The following PPP2R3A variants were observed in gnomAD, a reference collection of about 807,000 sequenced individuals.
PPP2R3A encodes the protein protein phosphatase 2 regulatory subunit B''alpha.
A neutral mutation model predicts 106.9 loss-of-function variants in PPP2R3A; 80 were observed. That is an observed-to-expected ratio of 0.75 (90% CI 0.62 to 0.90). PPP2R3A has a LOEUF of 0.90. Ranked by LOEUF, PPP2R3A falls within the 40% of genes least tolerant of loss-of-function variation. The pLI is 0.00. For synonymous variants in PPP2R3A, 483 were observed against 468.3 expected (o/e 1.03, Z -0.41); for missense variants, 1,386 against 1,350.4 (o/e 1.03, Z -0.41).
intron 1 of PPP2R3A, among the ~76,000 whole-genome samples, chr3:135,984,135 CCT>C (rs1937574867): frequency 6.7e-6 from 1 of 148,880 alleles, no homozygotes; most frequent in African/African-American, 2.6e-5. Context: ...CCTTTCCCTT[CCT>C]TCTCTTTCCT....
chr3:136,002,420 A>G lies in PPP2R3A; in HGVS notation c.922A>G (p.Thr308Ala), dbSNP rs766607618. 5 of 1,614,006 alleles carry G rather than the reference A, an allele frequency of 3.1e-6. No homozygotes were observed. The highest frequency in any genetic ancestry group is 1.6e-4 in the Middle Eastern group (1 of 6,062). Residue 308 changes from threonine to alanine, a missense_variant, in exon 2 of 14, where the codon ACA (threonine) becomes GCA (alanine). Coordinates refer to ENST00000264977, the MANE Select transcript of PPP2R3A (RefSeq NM_002718.5). ...TGGGAATAATGAGGCTCTAGATTTA[A>G]CAGAACTGATCAGTAATATGCCTAG... ...QSGNNEALDLTELISNMPSLQ... is the reference protein window; with the variant it reads ...QSGNNEALDLAELISNMPSLQ...
chr3:136,027,242 C>T, intron 3 of PPP2R3A, 144 bp downstream of exon 3: 2 of 747,508 alleles, frequency 2.7e-6, no homozygotes, highest in South Asian at 2.0e-5. Context: ...GTTGTTTTTC[C>T]CATAGTGATC....
chr3:136,048,910 T>C (rs974249563), intron 4 of PPP2R3A, among the ~76,000 whole-genome samples: 1 of 152,148 alleles, frequency 6.6e-6, no homozygotes, highest in African/African-American at 2.4e-5. Flanking sequence ...GTTTCTAGCT[T>C]GAACCATTGG....
chr3:136,025,671 T>C (rs753023292), intron 2 of PPP2R3A, among the ~76,000 whole-genome samples: 1 of 152,088 alleles, frequency 6.6e-6, no homozygotes, highest in African/African-American at 2.4e-5. Context: ...CTTACAGATA[T>C]ATCATTGTTC....
intron 12 of PPP2R3A, among the ~76,000 whole-genome samples, chr3:136,105,635 C>G (rs1937495861): frequency 6.6e-6 from 1 of 151,820 alleles, no homozygotes; most frequent in African/African-American, 2.4e-5. Context: ...CCAGACTAGG[C>G]AACAGAGTGA....
chr3:136,104,292 C>G (rs547649375), intron 12 of PPP2R3A, among the ~76,000 whole-genome samples: 275 of 129,450 alleles, frequency 2.1e-3, no homozygotes, highest in African/African-American at 7.0e-3. Context: ...ATATTTGTTT[C>G]TTTCTTTGTG....
chr3:136,049,097 T>G (rs898246724), intron 4 of PPP2R3A, among the ~76,000 whole-genome samples, 162 bp from the exon 5 acceptor site: 3 of 152,220 alleles, frequency 2.0e-5, no homozygotes, highest in Non-Finnish European at 2.9e-5. Context: ...TCCAACCTTA[T>G]AGACAGCTCA....
chr3:136,099,559 T>TA (rs1490401127), intron 10 of PPP2R3A, among the ~76,000 whole-genome samples: 1 of 150,660 alleles, frequency 6.6e-6, no homozygotes, highest in African/African-American at 2.4e-5. Flanking sequence ...ATAGCAGAAA[T>TA]AAAAAAACAA....
chr3:136,081,380 T>G (rs1936777222), intron 7 of PPP2R3A, among the ~76,000 whole-genome samples: 1 of 152,200 alleles, frequency 6.6e-6, no homozygotes, highest in African/African-American at 2.4e-5. Flanking sequence ...TCCATCTTTT[T>G]TTTAACCTTC....
chr3:136,062,579 G>A (rs112757070), intron 5 of PPP2R3A, among the ~76,000 whole-genome samples: 3 of 152,126 alleles, frequency 2.0e-5, no homozygotes, highest in Admixed American at 6.5e-5. Context: ...TTAGCCAGGC[G>A]TGGTGGTGGG....
At chr3:136,068,250 A>C (rs1936321291) in intron 5 of PPP2R3A, among the ~76,000 whole-genome samples, 1 of 152,186 alleles carries the variant, frequency 6.6e-6, no homozygotes, top group African/African-American at 2.4e-5. Flanking sequence ...AGCCAACCTG[A>C]AGGAGCTCCT....
At chr3:136,136,601 C>T (rs764682578) in intron 13 of PPP2R3A, among the ~76,000 whole-genome samples, 2 of 152,136 alleles carry the variant, frequency 1.3e-5, no homozygotes, top group Non-Finnish European at 2.9e-5. Flanking sequence ...GGGCCAAGAA[C>T]GTTTTCTTAG....
At chr3:136,112,109 A>G (rs1379162579) in intron 13 of PPP2R3A, among the ~76,000 whole-genome samples, 1 of 152,116 alleles carries the variant, frequency 6.6e-6, no homozygotes, top group Non-Finnish European at 1.5e-5. Flanking sequence ...CATGTTAAAA[A>G]CCCTCAACAA....
chr3:136,050,313 G>A (rs923700255), intron 5 of PPP2R3A, among the ~76,000 whole-genome samples: 5 of 152,090 alleles, frequency 3.3e-5, no homozygotes, highest in South Asian at 2.1e-4. Context: ...CTGAATAAAC[G>A]TCAGATCTAT....
chr3:135,991,275 A>T (rs1201984738), intron 1 of PPP2R3A, among the ~76,000 whole-genome samples: 2 of 152,182 alleles, frequency 1.3e-5, no homozygotes, highest in Non-Finnish European at 2.9e-5. Context: ...TGTAAAATAC[A>T]TGTGTTCTTC....
At chr3:135,988,176 C>G (rs1415134140) in intron 1 of PPP2R3A, among the ~76,000 whole-genome samples, 1 of 151,816 alleles carries the variant, frequency 6.6e-6, no homozygotes, top group Non-Finnish European at 1.5e-5. Context: ...CTTCCTCTCC[C>G]ACAAACAAAT....
chr3:136,087,992 A>G (rs998221241), intron 9 of PPP2R3A, 61 bp downstream of exon 9: 10 of 1,358,536 alleles, frequency 7.4e-6, no homozygotes, highest in African/African-American at 4.4e-5. Context: ...TAACCATCTC[A>G]TTTTAGCAAA....
intron 13 of PPP2R3A, among the ~76,000 whole-genome samples, chr3:136,139,679 G>A (rs1476481483): frequency 5.7e-5 from 8 of 140,576 alleles, no homozygotes; most frequent in Admixed American, 2.2e-4. Flanking sequence ...GTGACAGAGC[G>A]AGACTCCATC....
At chr3:136,129,706 C>G (rs1186852381) in intron 13 of PPP2R3A, among the ~76,000 whole-genome samples, 2 of 152,106 alleles carry the variant, frequency 1.3e-5, no homozygotes, top group Non-Finnish European at 2.9e-5. Flanking sequence ...CTACCAGAGA[C>G]ACAACAAAAA....
Sources: allele counts gnomAD v4.1 joint callset (sites outside exome capture counted in the v4.1 genomes callset), GRCh38; gene constraint gnomAD v4.1.1; transcripts MANE v1.5; gene names NCBI Gene and HGNC (gene_info 2026-07-23, HGNC 2026-07-21).